The following GALNT13 variants were observed in gnomAD, a reference collection of about 807,000 sequenced individuals.
GALNT13 encodes the protein polypeptide N-acetylgalactosaminyltransferase 13.
A neutral mutation model predicts 64.2 loss-of-function variants in GALNT13; 28 were observed. The ratio of observed to expected loss-of-function variants is 0.44; its 90% CI spans 0.32 to 0.60. The LOEUF (loss-of-function observed/expected upper bound fraction) is 0.60. GALNT13 is among the 20% of genes least tolerant of loss of function. GALNT13 has a pLI of 0.05. For missense variants in GALNT13, 577 were observed against 669.8 expected (o/e 0.86, Z 1.53); for synonymous variants, 214 against 224.6 (o/e 0.95, Z 0.42).
chr2:153,268,536 C>G, the GALNT13 span, among the ~76,000 whole-genome samples: 3 of 152,188 alleles, frequency 2.0e-5, no homozygotes, highest in Non-Finnish European at 4.4e-5. Context: ...GTCAGTGGAT[C>G]TACTATGCTG....
chr2:154,055,290 T>C (rs999055533), intron 3 of GALNT13, among the ~76,000 whole-genome samples: 9 of 152,018 alleles, frequency 5.9e-5, no homozygotes, highest in Admixed American at 5.2e-4. Flanking sequence ...TTCCAACATG[T>C]AGTTCTTTTT....
At chr2:153,618,650 G>GTC in the GALNT13 span, among the ~76,000 whole-genome samples, 2 of 151,654 alleles carry the variant, frequency 1.3e-5, no homozygotes, top group Non-Finnish European at 3.0e-5. Flanking sequence ...TTGTTTTGGG[G>GTC]TCTCTCTCTT....
chr2:153,566,512 G>A, the GALNT13 span, among the ~76,000 whole-genome samples: 79 of 151,990 alleles, frequency 5.2e-4, no homozygotes, highest in Non-Finnish European at 8.5e-4. Context: ...CTGCCACCGC[G>A]CCCGGCTAAT....
At chr2:154,016,758 G>T (rs1697035967) in intron 3 of GALNT13, among the ~76,000 whole-genome samples, 2 of 151,982 alleles carry the variant, frequency 1.3e-5, no homozygotes, top group Non-Finnish European at 2.9e-5. Context: ...GATGATTTGA[G>T]GATTTATATA....
chr2:154,390,217 T>C (rs9789502), intron 9 of GALNT13, among the ~76,000 whole-genome samples: 2 of 152,252 alleles, frequency 1.3e-5, no homozygotes, highest in Middle Eastern at 3.4e-3. Context: ...AGACTTACTA[T>C]GAATAAAAGA....
chr2:153,183,000 G>A, the GALNT13 span, among the ~76,000 whole-genome samples: 256 of 152,242 alleles, frequency 1.7e-3, no homozygotes, highest in African/African-American at 5.9e-3. Context: ...CCCAGTAATG[G>A]GATTGCTGGG....
intron 9 of GALNT13, among the ~76,000 whole-genome samples, chr2:154,340,591 C>T (rs993015546): frequency 1.3e-5 from 2 of 152,010 alleles, no homozygotes; most frequent in South Asian, 4.1e-4. Context: ...TTCTAAGTCT[C>T]TTCTTCCTTT....
At chr2:153,755,045 A>T in the GALNT13 span, among the ~76,000 whole-genome samples, 1 of 152,130 alleles carries the variant, frequency 6.6e-6, no homozygotes, top group Non-Finnish European at 1.5e-5. Flanking sequence ...ACTCCACACC[A>T]CACTGCTGCT....
the GALNT13 span, among the ~76,000 whole-genome samples, chr2:153,808,227 A>G: frequency 6.6e-6 from 1 of 152,160 alleles, no homozygotes; most frequent in East Asian, 1.9e-4. Flanking sequence ...TAAAAAGTCA[A>G]TATTAGCAAT....
chr2:153,850,312 C>T, the GALNT13 span, among the ~76,000 whole-genome samples: 3 of 152,284 alleles, frequency 2.0e-5, no homozygotes, highest in African/African-American at 7.2e-5. Context: ...ATAGAATAAT[C>T]AGCATGGTGG....
At chr2:153,393,267 A>ATTTTTTTTTT in the GALNT13 span, among the ~76,000 whole-genome samples, 1 of 146,042 alleles carries the variant, frequency 6.8e-6, no homozygotes, top group African/African-American at 2.5e-5. Context: ...AGAAGTCTCC[A>ATTTTTTTTTT]TTTTTTTTTT....
At chr2:154,210,262 AT>A (rs1319717966) in intron 4 of GALNT13, among the ~76,000 whole-genome samples, 1 of 152,218 alleles carries the variant, frequency 6.6e-6, no homozygotes, top group Non-Finnish European at 1.5e-5. Flanking sequence ...TCGATATCAT[AT>A]ATTAACTGTT....
the GALNT13 span, among the ~76,000 whole-genome samples, chr2:153,721,833 C>G: frequency 2.0e-5 from 3 of 151,606 alleles, no homozygotes; most frequent in African/African-American, 7.3e-5. Flanking sequence ...TACAAAGAGA[C>G]TTAGACTCCC....
At chr2:154,082,889 T>C (rs1383336876) in intron 3 of GALNT13, among the ~76,000 whole-genome samples, 1 of 152,088 alleles carries the variant, frequency 6.6e-6, no homozygotes, top group Non-Finnish European at 1.5e-5. Context: ...ATAGTTTCTT[T>C]TGCTGTGCAG....
the GALNT13 span, among the ~76,000 whole-genome samples, chr2:153,309,066 A>G: frequency 6.6e-6 from 1 of 152,134 alleles, no homozygotes; most frequent in Non-Finnish European, 1.5e-5. Flanking sequence ...AAAAAATGAG[A>G]GGCAGAGTCT....
the GALNT13 span, among the ~76,000 whole-genome samples, chr2:153,748,888 A>T: frequency 1.9e-4 from 29 of 152,082 alleles, 1 homozygote; most frequent in African/African-American, 6.7e-4. Flanking sequence ...AGAAAGAAAG[A>T]AAGAAAAGTT....
chr2:153,346,227 AC>A, the GALNT13 span, among the ~76,000 whole-genome samples: 2 of 152,134 alleles, frequency 1.3e-5, no homozygotes, highest in South Asian at 2.1e-4. Context: ...CCAGCCTCCT[AC>A]AAAACTTTAA....
At chr2:153,441,355 G>T in the GALNT13 span, among the ~76,000 whole-genome samples, 1 of 152,202 alleles carries the variant, frequency 6.6e-6, no homozygotes, top group African/African-American at 2.4e-5. Context: ...CTGTAGCCTT[G>T]TAGTATAGTT....
chr2:154,341,382 A>G (rs1433768214), intron 9 of GALNT13, among the ~76,000 whole-genome samples: 1 of 152,168 alleles, frequency 6.6e-6, no homozygotes, highest in African/African-American at 2.4e-5. Context: ...ATTAAGTGAT[A>G]ATGTGATGGA....
Sources: gnomAD v4.1 joint callset for allele counts (sites outside exome capture counted in the v4.1 genomes callset) on GRCh38, gnomAD v4.1.1 for gene constraint, MANE v1.5 for transcripts, NCBI Gene and HGNC (gene_info 2026-07-23, HGNC 2026-07-21) for gene names.